IMPDH2: variants seen among roughly 807,000 people sequenced by gnomAD.
The protein encoded by IMPDH2 is inosine-5'-monophosphate dehydrogenase 2.
IMPDH2 carries 33 observed loss-of-function variants against 57.8 expected under a neutral mutation model. The observed-to-expected ratio is 0.57, with a 90% CI of 0.43 to 0.76. The LOEUF is 0.76. IMPDH2 is among the 30% of genes least tolerant of loss of function. IMPDH2 has a pLI of 0.00. For synonymous variants in IMPDH2, 270 were observed against 241.3 expected (o/e 1.12, Z -1.10); for missense variants, 446 against 659.1 (o/e 0.68, Z 3.54).
chr3:49,024,476 C>A lies in IMPDH2; in HGVS notation c.1523+19G>T. On this transcript the variant is annotated intron_variant, in intron 13 of 13. Coordinates refer to ENST00000326739, the MANE Select transcript of IMPDH2 (RefSeq NM_000884.3). ...GCATGAGGTATGGCAGAGGCCCCAC[C>A]AAGGACAGGGTGACTTACGAATGGA... is the stretch of plus-strand genomic sequence containing the variant. The A allele has an allele frequency of 1.9e-6, 3 of 1,614,170 alleles. No homozygotes were observed. In the South Asian group the frequency reaches 3.3e-5, roughly 18 times the overall value.
chr3:49,027,492 G>T (rs1188587306), intron 5 of IMPDH2, among the ~76,000 whole-genome samples: 1 of 152,154 alleles, frequency 6.6e-6, no homozygotes, highest in Non-Finnish European at 1.5e-5. Flanking sequence ...CTACCTTAGG[G>T]GTTTAAAAGA....
chr3:49,028,501 G>C lies in IMPDH2; in HGVS notation c.179C>G (p.Thr60Ser). The C allele has an allele frequency of 6.2e-7, 1 of 1,614,140 alleles. No individual in the cohort carries two copies. The change falls in exon 3 of 14, where the codon ACT (threonine) becomes AGT (serine). Residue 60 changes from threonine (T) to serine (S), a missense_variant. By Grantham distance (58) the Thr-to-Ser change is moderately conservative (BLOSUM62 1). Coordinates refer to ENST00000326739, the MANE Select transcript of IMPDH2 (RefSeq NM_000884.3). ...AGAGGAAACCAGTGGGGTCTTAAGAGTGATTTTCTTGGTCAGAGCAGAAGT... is the reference window on the plus strand; with the variant it reads ...AGAGGAAACCAGTGGGGTCTTAAGACTGATTTTCTTGGTCAGAGCAGAAGT... ...DLTSALTKKI[T>S]LKTPLVSSPM... is the part of the protein sequence containing the mutation.
chr3:49,028,996 G>A, intron 1 of IMPDH2, 190 bp from the exon 2 acceptor site: 1 of 656,964 alleles, frequency 1.5e-6, no homozygotes, highest in South Asian at 1.7e-5. Context: ...GCTGTCATCA[G>A]TGCTCCTGGC....
intron 4 of IMPDH2, 128 bp downstream of exon 4, chr3:49,028,120 G>A (rs2106789651): frequency 2.3e-6 from 2 of 873,108 alleles, no homozygotes; most frequent in Admixed American, 4.0e-5. Context: ...GAATCTCAGG[G>A]TCTTCTCAGT....
chr3:49,029,392 C>G lies in IMPDH2; in HGVS notation c.-42G>C, dbSNP rs376520838. 1 of 1,353,668 alleles carries G rather than the reference C, an allele frequency of 7.4e-7. No individual in the cohort carries two copies. The highest frequency in any genetic ancestry group is 1.2e-5 in the South Asian group (1 of 81,048). 83.9% of individuals were successfully genotyped at this position (1,353,668 alleles called of 1,614,324 possible). ...CGCCGCGTGTCTCCGAGGACCGCGC[C>G]GCAGAGACCTCTGCCGTCTGGGCCG... is the stretch of plus-strand genomic sequence containing the variant. On this transcript the variant is annotated 5_prime_UTR_variant, in exon 1 of 14. Transcript: ENST00000326739.
intron 9 of IMPDH2, 97 bp from the exon 10 acceptor site, chr3:49,025,366 C>G: frequency 1.5e-6 from 2 of 1,336,984 alleles, no homozygotes; most frequent in Non-Finnish European, 2.1e-6. Context: ...TTGGCTACAT[C>G]TGCATCAGGA....
rs966311315 is a variant in IMPDH2 at position 49,028,467 on chromosome 3, G to A, written c.213C>T (p.Asp71=). ...LKTPLVSSPM[D]TVTEAGMAIA... is the part of the protein sequence containing the mutation. Reference sequence around the variant, plus strand: ...TGGCCATCCCAGCCTCTGTGACTGTGTCCATGGGAGAGGAAACCAGTGGGG... The same window carrying A: ...TGGCCATCCCAGCCTCTGTGACTGTATCCATGGGAGAGGAAACCAGTGGGG... Residue 71 remains aspartate (D), a synonymous_variant, in exon 3 of 14, where the codon GAC becomes GAT. Transcript: ENST00000326739. The A allele has an allele frequency of 1.2e-6, 2 of 1,614,060 alleles. No homozygotes were observed. Among genetic ancestry groups the A allele is most frequent in the Non-Finnish European group, 8.5e-7 (1 of 1,180,018 alleles).
At position 49,024,981 on chromosome 3, in the gene IMPDH2, C is replaced by T. The variant is rs1291046761; in HGVS notation, c.1210G>A (p.Asp404Asn). 3 of 1,614,196 alleles carry T rather than the reference C, an allele frequency of 1.9e-6. No individual in the cohort carries two copies. Among genetic ancestry groups the T allele is most frequent in the South Asian group, 1.1e-5 (1 of 91,086 alleles). ...CGATATTTCTTTAGCCGGATCCCAT[C>T]GGAAAAGAAGTATTCACCAGGGGCC... ...TEAPGEYFFS[D>N]GIRLKKYRGM... The change falls in exon 11 of 14, where the codon GAT (aspartate) becomes AAT (asparagine). Residue 404 changes from aspartate to asparagine, a missense_variant. Coordinates refer to ENST00000326739, the MANE Select transcript of IMPDH2 (RefSeq NM_000884.3).
Position 49,026,546 on chromosome 3 carries a change from G to C in IMPDH2, c.883C>G (p.Pro295Ala). The C allele has an allele frequency of 6.2e-7, 1 of 1,613,670 alleles. No homozygotes were observed. The highest frequency in any genetic ancestry group is 1.1e-5 in the South Asian group (1 of 91,072). The change falls in exon 8 of 14, where the codon CCT becomes GCT. Residue 295 changes from proline (P) to alanine (A), a missense_variant. Pro to Ala is a conservative substitution (Grantham distance 27). Coordinates refer to ENST00000326739, the MANE Select transcript of IMPDH2 (RefSeq NM_000884.3). ...NMIKYIKDKYPNLQVIGGNVV... is the reference protein window; with the variant it reads ...NMIKYIKDKYANLQVIGGNVV... ...TTGCCTCCAATGACTTGGAGATTAG[G>C]GTATTTGTCTTTGATGTACTTGATC...
Position 49,027,723 on chromosome 3 carries a change from C to G in IMPDH2, c.518G>C (p.Cys173Ser), listed in dbSNP as rs763952299. The change falls in exon 5 of 14, where the codon TGT becomes TCT. Residue 173 changes from cysteine (C) to serine (S), a missense_variant. Coordinates refer to ENST00000326739, the MANE Select transcript of IMPDH2 (RefSeq NM_000884.3). ...IDFLKEEEHD[C>S]FLEEIMTKRE... ...AGTGGCACCCACCTCTTCCAAGAAA[C>G]AGTCATGTTCCTCCTCTTTGAGAAA... 9 of 1,613,960 alleles carry G rather than the reference C, an allele frequency of 5.6e-6. No homozygotes were observed. In the East Asian group the frequency reaches 6.7e-5, roughly 12 times the overall value.
chr3:49,025,985 C>A (rs766986740), intron 9 of IMPDH2: 21 of 476,356 alleles, frequency 4.4e-5, no homozygotes, highest in Non-Finnish European at 7.9e-5. Context: ...GTGGGCCGGG[C>A]TGGACTTACT....
Position 49,024,687 on chromosome 3 carries a change from T to A in IMPDH2, c.1411A>T (p.Ile471Phe). 1.2e-6 allele frequency: 2 copies of A among 1,614,242 alleles called. No homozygotes were observed. The highest frequency in any genetic ancestry group is 1.7e-6 in the Non-Finnish European group (2 of 1,180,036). ...ACTTGGGTCAAGCTCTTGGCACCAA[T>A]GTCCTGGCATGAGTGTTGGATGCCA... The part of the protein sequence containing the change: ...IAGIQHSCQD[I>F]GAKSLTQVRA... The change falls in exon 12 of 14, where the codon ATT becomes TTT. Residue 471 changes from isoleucine to phenylalanine, a missense_variant. Physicochemically the swap from Ile to Phe is conservative, Grantham distance 21 (BLOSUM62 0). Coordinates refer to ENST00000326739, the MANE Select transcript of IMPDH2 (RefSeq NM_000884.3).
chr3:49,024,703 T>G lies in IMPDH2; in HGVS notation c.1395A>C (p.Gln465His). Residue 465 changes from glutamine (Q) to histidine (H), a missense_variant, in exon 12 of 14, where the codon CAA becomes CAC. Transcript: ENST00000326739. ...KFVPYLIAGI[Q>H]HSCQDIGAKS... Reference sequence around the variant, plus strand: ...TGGCACCAATGTCCTGGCATGAGTGTTGGATGCCAGCAATCAGGTAAGGGA... The same window carrying G: ...TGGCACCAATGTCCTGGCATGAGTGGTGGATGCCAGCAATCAGGTAAGGGA... 6.2e-7 allele frequency: 1 copy of G among 1,614,216 alleles called. No homozygotes were observed. The highest frequency in any genetic ancestry group is 8.5e-7 in the Non-Finnish European group (1 of 1,180,040).
At chr3:49,025,971 G>A (rs758438378) in intron 9 of IMPDH2, 1 of 469,668 alleles carries the variant, frequency 2.1e-6, no homozygotes, top group Non-Finnish European at 4.2e-6. Flanking sequence ...GCTGGGCCGG[G>A]CCAGTGGGCC....
intron 5 of IMPDH2, among the ~76,000 whole-genome samples, 168 bp from the exon 6 acceptor site, chr3:49,027,215 C>G (rs2093203460): frequency 6.6e-6 from 1 of 152,186 alleles, no homozygotes; most frequent in Non-Finnish European, 1.5e-5. Context: ...AGGCTGGTCT[C>G]AAACTCCTAA....
Position 49,026,763 on chromosome 3 carries a change from G to A in IMPDH2, c.743C>T (p.Ala248Val). Residue 248 changes from alanine to valine, a missense_variant, in exon 7 of 14, where the codon GCA becomes GTA. Physicochemically the swap from Ala to Val is moderately conservative, Grantham distance 64. Transcript: ENST00000326739. Reference sequence around the variant, plus strand: ...GTCATCCTCATGAGTGCCAATGGCTGCCCCACACAGCAGCTGTTTCTTGGC... The same window carrying A: ...GTCATCCTCATGAGTGCCAATGGCTACCCCACACAGCAGCTGTTTCTTGGC... ...KDAKKQLLCG[A>V]AIGTHEDDKY... 1.2e-6 allele frequency: 2 copies of A among 1,614,184 alleles called. No individual in the cohort carries two copies. Among genetic ancestry groups the A allele is most frequent in the Non-Finnish European group, 1.7e-6 (2 of 1,180,036 alleles).
chr3:49,029,194 G>T, intron 1 of IMPDH2, 59 bp downstream of exon 1: 1 of 1,384,716 alleles, frequency 7.2e-7, no homozygotes, highest in Non-Finnish European at 1.0e-6. Context: ...GCCCCCATCT[G>T]GCCTTTTCCC....
At chr3:49,029,027 C>A (rs901365823) in intron 1 of IMPDH2, 1 of 645,552 alleles carries the variant, frequency 1.5e-6, no homozygotes, top group African/African-American at 1.8e-5. Context: ...TTCCATGTGT[C>A]TGGAGCATGG....
intron 2 of IMPDH2, 51 bp from the exon 3 acceptor site, chr3:49,028,583 G>T: frequency 6.8e-7 from 1 of 1,477,094 alleles, no homozygotes. Flanking sequence ...TACACCTCAA[G>T]GTGTTACTGA....
Sources: gnomAD v4.1 joint callset for allele counts (sites outside exome capture counted in the v4.1 genomes callset) on GRCh38, gnomAD v4.1.1 for gene constraint, MANE v1.5 for transcripts, NCBI Gene and HGNC (gene_info 2026-07-23, HGNC 2026-07-21) for gene names.